MICU1: variants seen among roughly 807,000 people sequenced by gnomAD.
The protein encoded by MICU1 is mitochondrial calcium uptake 1.
MICU1 carries 45 observed loss-of-function variants against 56.8 expected under a neutral mutation model. That is an observed-to-expected ratio of 0.79 (90% confidence interval 0.62 to 1.02). The LOEUF (loss-of-function observed/expected upper bound fraction) is 1.02. Among genes scored for constraint, MICU1 ranks in the 50% least tolerant of loss-of-function variants. The probability of loss-of-function intolerance (pLI) is 0.00; values close to 1 mark genes in which losing one functional copy is unlikely to be tolerated. For synonymous variants in MICU1, 186 were observed against 195.1 expected, an observed-to-expected ratio of 0.95 and a Z score of 0.39; for missense variants, 504 against 587.1, an observed-to-expected ratio of 0.86 and a Z score of 1.46.
intron 10 of MICU1, among the ~76,000 whole-genome samples, chr10:72,400,005 C>A (rs1459528013): frequency 6.6e-6 from 1 of 152,092 alleles, no homozygotes; most frequent in Non-Finnish European, 1.5e-5. Context: ...GATTGACAGG[C>A]AGATTTTTCC....
intron 1 of MICU1, 102 bp from the exon 2 acceptor site, chr10:72,566,896 C>T: frequency 1.0e-6 from 1 of 971,644 alleles, no homozygotes; most frequent in South Asian, 1.7e-5. Context: ...AGTAATTGCT[C>T]TATGACAGGC....
At chr10:72,440,457 C>T (rs1306849230) in intron 8 of MICU1, among the ~76,000 whole-genome samples, 1 of 152,160 alleles carries the variant, frequency 6.6e-6, no homozygotes, top group African/African-American at 2.4e-5. Context: ...TAGAAGAAAA[C>T]CTAGGCAATA....
intron 11 of MICU1, among the ~76,000 whole-genome samples, chr10:72,373,180 A>ATTTTTTTTTTTTT (rs751527368): frequency 7.5e-6 from 1 of 133,272 alleles, no homozygotes; most frequent in Non-Finnish European, 1.6e-5. Flanking sequence ...TTGTTTGTTC[A>ATTTTTTTTTTTTT]TTTTTTTTTT....
chr10:72,551,267 T>C lies in MICU1; in HGVS notation c.405A>G (p.Lys135=). Reference sequence around the variant, plus strand: ...CTGCTTCACCAGGCTCACTGATGACTTTCAAGGTGGCAAAATATCGGAAGA... The same window carrying C: ...CTGCTTCACCAGGCTCACTGATGACCTTCAAGGTGGCAAAATATCGGAAGA... ...DKIFRYFATL[K]VISEPGEAEV... is the part of the protein sequence containing the mutation. The change falls in exon 4 of 12, where the codon AAA becomes AAG. Residue 135 remains lysine (K), a synonymous_variant. Transcript: ENST00000361114. 6.2e-7 allele frequency: 1 copy of C among 1,613,580 alleles called. No individual in the cohort carries two copies. Among genetic ancestry groups the C allele is most frequent in the African/African-American group, 1.3e-5 (1 of 75,038 alleles).
At chr10:72,413,218 AAAAAC>A (rs141304301) in intron 9 of MICU1, among the ~76,000 whole-genome samples, 10,863 of 151,848 alleles carry the variant, frequency 0.072, 1,327 homozygotes, top group African/African-American at 0.25. Flanking sequence ...AAACAAAAAC[AAAAAC>A]AAAACAAAAC....
At chr10:72,543,232 GAA>G (rs1839816591) in intron 4 of MICU1, among the ~76,000 whole-genome samples, 1 of 152,154 alleles carries the variant, frequency 6.6e-6, no homozygotes, top group African/African-American at 2.4e-5. Context: ...GCTATCAGTA[GAA>G]CACGAGGACC....
At chr10:72,519,477 C>T (rs1019198507) in intron 5 of MICU1, among the ~76,000 whole-genome samples, 8 of 152,136 alleles carry the variant, frequency 5.3e-5, no homozygotes, top group South Asian at 2.1e-4. Flanking sequence ...GCAAATTATA[C>T]ACTACACATG....
At chr10:72,481,704 G>A (rs1391123018) in intron 6 of MICU1, among the ~76,000 whole-genome samples, 11 of 152,238 alleles carry the variant, frequency 7.2e-5, no homozygotes, top group Non-Finnish European at 1.5e-4. Flanking sequence ...GAGCCACAGC[G>A]CCCACCCTGA....
chr10:72,456,849 TTGTGTG>T lies in MICU1; in HGVS notation c.933+18245_933+18250del, dbSNP rs56262647. Among the ~76,000 whole-genome samples the T allele has an allele frequency of 8.6e-3, 1,160 of 134,484 alleles. 12 individuals are homozygous for T. Among genetic ancestry groups the T allele is most frequent in the East Asian group, 0.029 (106 of 3,712 alleles). 88.2% of individuals were successfully genotyped at this position (134,484 alleles called of 152,430 possible). ...GATGCACCACCATGCCGGGCTCATT[TTGTGTG>T]TGTGTGTGTGTGTGTGTGTGTGTGT... On this transcript the variant is annotated intron_variant, in intron 8 of 11. Transcript: ENST00000361114.
intron 4 of MICU1, among the ~76,000 whole-genome samples, chr10:72,546,287 C>T (rs527340578): frequency 4.7e-4 from 72 of 152,284 alleles, no homozygotes; most frequent in African/African-American, 1.5e-3. Context: ...ACTAAAGCTG[C>T]CTCCTTATAT....
chr10:72,426,398 A>ATT (rs201257033), intron 8 of MICU1, among the ~76,000 whole-genome samples: 23 of 135,606 alleles, frequency 1.7e-4, no homozygotes, highest in African/African-American at 5.2e-4. Flanking sequence ...AGCATTCTGG[A>ATT]TTTTTTTTTT....
chr10:72,570,133 C>T (rs893517644), intron 1 of MICU1, among the ~76,000 whole-genome samples: 1 of 152,036 alleles, frequency 6.6e-6, no homozygotes, highest in Non-Finnish European at 1.5e-5. Context: ...TTAGTAAAGA[C>T]GGGGTCTTAC....
chr10:72,524,435 TTAAG>T (rs773885547), intron 5 of MICU1, among the ~76,000 whole-genome samples: 15 of 152,182 alleles, frequency 9.9e-5, no homozygotes, highest in South Asian at 2.1e-4. Flanking sequence ...ACTCAATTAA[TTAAG>T]TATCTCTTAT....
intron 1 of MICU1, among the ~76,000 whole-genome samples, chr10:72,580,297 G>A (rs1840862766): frequency 6.6e-6 from 1 of 151,804 alleles, no homozygotes; most frequent in Admixed American, 6.6e-5. Context: ...TTATTTTTTA[G>A]TGGAATGTTA....
intron 1 of MICU1, among the ~76,000 whole-genome samples, chr10:72,609,748 A>T (rs1841790413): frequency 6.8e-6 from 1 of 147,314 alleles, no homozygotes; most frequent in Non-Finnish European, 1.5e-5. Flanking sequence ...AAAAAAAAAA[A>T]ATGGTGGCCG....
chr10:72,413,714 A>T (rs1863896237), intron 9 of MICU1, among the ~76,000 whole-genome samples: 1 of 152,150 alleles, frequency 6.6e-6, no homozygotes, highest in Non-Finnish European at 1.5e-5. Flanking sequence ...AGCCTGGGCG[A>T]CAGAGGGAGA....
intron 4 of MICU1, among the ~76,000 whole-genome samples, chr10:72,550,708 C>T (rs1472388162): frequency 6.6e-6 from 1 of 151,984 alleles, no homozygotes; most frequent in Non-Finnish European, 1.5e-5. Context: ...TATAAATTTC[C>T]CTCTGAGCAC....
intron 8 of MICU1, among the ~76,000 whole-genome samples, chr10:72,433,694 T>G (rs778382205): frequency 6.6e-6 from 1 of 152,184 alleles, no homozygotes; most frequent in Non-Finnish European, 1.5e-5. Context: ...CCTCCCAAAG[T>G]GCTGGGATTA....
intron 5 of MICU1, chr10:72,523,957 C>T: frequency 7.4e-7 from 1 of 1,357,624 alleles, no homozygotes; most frequent in East Asian, 2.8e-5. Context: ...CCATTTGTTT[C>T]CCCTTAAGCC....
Sources: allele counts gnomAD v4.1 joint callset (sites outside exome capture counted in the v4.1 genomes callset), GRCh38; gene constraint gnomAD v4.1.1; transcripts MANE v1.5; gene names NCBI Gene and HGNC (gene_info 2026-07-23, HGNC 2026-07-21).